The following WWOX variants were observed in gnomAD, a reference collection of about 807,000 sequenced individuals.
WWOX encodes the protein WW domain containing oxidoreductase, also known as WW domain-containing oxidoreductase.
WWOX carries 69 observed loss-of-function variants against 46.2 expected under a neutral mutation model. The ratio of observed to expected loss-of-function variants is 1.49; its 90% confidence interval spans 1.23 to 1.82. The LOEUF (loss-of-function observed/expected upper bound fraction) is 1.82. Among genes scored for constraint, WWOX ranks in the 40% most tolerant of loss-of-function variants. The pLI is 0.00. For missense variants in WWOX, 919 were observed against 542.6 expected (o/e 1.69, Z -6.89); for synonymous variants, 359 against 202.6 (o/e 1.77, Z -6.56).
intron 8 of WWOX, among the ~76,000 whole-genome samples, chr16:78,493,143 C>T (rs1275467787): frequency 6.6e-6 from 1 of 152,138 alleles, no homozygotes; most frequent in African/African-American, 2.4e-5. Context: ...GGACTTCTTC[C>T]TGGGAGAAGG....
chr16:78,852,688 G>C (rs1351023523), intron 8 of WWOX, among the ~76,000 whole-genome samples: 1 of 152,144 alleles, frequency 6.6e-6, no homozygotes, highest in African/African-American at 2.4e-5. Context: ...GGAGTAATTT[G>C]CTACACACCA....
chr16:79,073,592 C>T lies in WWOX; in HGVS notation c.1057-138016C>T, dbSNP rs1355939061. Among the ~76,000 whole-genome samples, 4 of 152,202 alleles carry T rather than the reference C, an allele frequency of 2.6e-5. No homozygotes were observed. In the East Asian group the frequency reaches 5.8e-4, roughly 22 times the overall value. On this transcript the variant is annotated intron_variant, in intron 8 of 8. Coordinates refer to ENST00000566780, the MANE Select transcript of WWOX (RefSeq NM_016373.4). ...TTTAAGATCAGTGTTGCAGACACTG[C>T]TGAGTGTCTTCAAATGTCTGTTCTC...
rs535000822 is a variant in WWOX, at chr16:78,622,295, C to A, written c.1056+189543C>A. Among the ~76,000 whole-genome samples the A allele has an allele frequency of 2.6e-5, 4 of 152,132 alleles. No individual in the cohort carries two copies. In the South Asian group the frequency reaches 6.2e-4, roughly 24 times the overall value. The stretch of plus-strand genomic sequence containing the variant: ...CAGTGGCTCATGCTTGTAATCCCAG[C>A]ACTTTGGGACGCCGAGGCAGGCAGA... On this transcript the variant is annotated intron_variant, in intron 8 of 8. Coordinates refer to ENST00000566780, the MANE Select transcript of WWOX (RefSeq NM_016373.4).
At chr16:78,329,491 A>C (rs1323651226) in intron 5 of WWOX, among the ~76,000 whole-genome samples, 1 of 152,128 alleles carries the variant, frequency 6.6e-6, no homozygotes, top group Non-Finnish European at 1.5e-5. Context: ...TTCGTGGCAA[A>C]TGTGACCTAC....
At chr16:79,189,992 T>A (rs1324844741) in intron 8 of WWOX, among the ~76,000 whole-genome samples, 2 of 152,140 alleles carry the variant, frequency 1.3e-5, no homozygotes, top group African/African-American at 4.8e-5. Context: ...TATTTTATCA[T>A]CTTCCCATGG....
chr16:79,170,985 A>G (rs1350097972), intron 8 of WWOX, among the ~76,000 whole-genome samples: 1 of 152,202 alleles, frequency 6.6e-6, no homozygotes, highest in Non-Finnish European at 1.5e-5. Flanking sequence ...TCTAAGAAAA[A>G]TGTGAGATGT....
chr16:78,492,010 C>T (rs1008728302), intron 8 of WWOX, among the ~76,000 whole-genome samples: 1 of 139,782 alleles, frequency 7.2e-6, no homozygotes, highest in Non-Finnish European at 1.6e-5. Flanking sequence ...GTGACACTTG[C>T]CATTCTCAAT....
intron 8 of WWOX, among the ~76,000 whole-genome samples, chr16:79,011,864 G>C (rs554549292): frequency 2.6e-5 from 4 of 152,084 alleles, no homozygotes; most frequent in Admixed American, 2.0e-4. Context: ...ATGTTCTTCA[G>C]GCTAGTCTTG....
intron 8 of WWOX, among the ~76,000 whole-genome samples, chr16:78,566,662 T>G (rs944869354): frequency 1.3e-5 from 2 of 152,166 alleles, no homozygotes; most frequent in Admixed American, 6.5e-5. Flanking sequence ...GAGAAGTCTC[T>G]CAGGACAGGG....
chr16:79,045,559 C>T (rs1257888996), intron 8 of WWOX, among the ~76,000 whole-genome samples: 3 of 152,090 alleles, frequency 2.0e-5, no homozygotes, highest in South Asian at 2.1e-4. Context: ...CCCAATAGAA[C>T]ACGGAGGCAG....
At chr16:78,375,566 A>T (rs555738438) in intron 5 of WWOX, among the ~76,000 whole-genome samples, 6 of 152,326 alleles carry the variant, frequency 3.9e-5, no homozygotes, top group African/African-American at 1.4e-4. Context: ...AGTGTGAATT[A>T]TTGGTTGTTT....
At chr16:79,093,825 C>G (rs554655248) in intron 8 of WWOX, among the ~76,000 whole-genome samples, 50 of 152,282 alleles carry the variant, frequency 3.3e-4, no homozygotes, top group African/African-American at 1.2e-3. Flanking sequence ...AGTGACAGGC[C>G]TGAAGTAAAA....
At chr16:78,798,886 C>T (rs1181426669) in intron 8 of WWOX, among the ~76,000 whole-genome samples, 1 of 152,136 alleles carries the variant, frequency 6.6e-6, no homozygotes, top group African/African-American at 2.4e-5. Flanking sequence ...GTCCTTTTCT[C>T]CCCAGGGGAA....
chr16:78,619,276 A>G lies in WWOX; in HGVS notation c.1056+186524A>G, dbSNP rs536380428. On this transcript the variant is annotated intron_variant, in intron 8 of 8. Coordinates refer to ENST00000566780, the MANE Select transcript of WWOX (RefSeq NM_016373.4). ...CTACTTGGGAGGCTGAGACATGAGA[A>G]TCGCTTGAACCTGGGAGTCGGAGGT... is the stretch of plus-strand genomic sequence containing the variant. Among the ~76,000 whole-genome samples, 16 of 120,406 alleles carry G rather than the reference A, an allele frequency of 1.3e-4. No homozygotes were observed. In the East Asian group the frequency reaches 4.1e-3, roughly 31 times the overall value. 79.0% of individuals were successfully genotyped at this position (120,406 alleles called of 152,430 possible).
intron 8 of WWOX, among the ~76,000 whole-genome samples, chr16:78,921,465 T>G (rs2045377519): frequency 6.6e-6 from 1 of 152,206 alleles, no homozygotes; most frequent in Admixed American, 6.5e-5. Context: ...ACAACAGCTC[T>G]TAATATCCTA....
At chr16:78,462,556 A>G (rs1327365384) in intron 8 of WWOX, among the ~76,000 whole-genome samples, 2 of 152,202 alleles carry the variant, frequency 1.3e-5, no homozygotes, top group Non-Finnish European at 2.9e-5. Flanking sequence ...AGTGTCTGCA[A>G]ATGACAGCCG....
chr16:78,903,385 C>T (rs909801637), intron 8 of WWOX, among the ~76,000 whole-genome samples: 2 of 152,244 alleles, frequency 1.3e-5, no homozygotes, highest in African/African-American at 4.8e-5. Context: ...AACGAAGACT[C>T]CGCCTCCAGT....
intron 8 of WWOX, among the ~76,000 whole-genome samples, chr16:78,460,167 C>T (rs888534813): frequency 1.4e-5 from 2 of 144,730 alleles, no homozygotes; most frequent in Admixed American, 6.9e-5. Flanking sequence ...TCGCTCTTTT[C>T]CCCAGGCTGG....
intron 8 of WWOX, chr16:79,206,300 A>C (rs2051507729): frequency 6.6e-6 from 1 of 152,252 alleles, no homozygotes; most frequent in Non-Finnish European, 1.5e-5. Context: ...ATAGATGAGG[A>C]AATGGGCCAC....
Sources: allele counts gnomAD v4.1 joint callset (sites outside exome capture counted in the v4.1 genomes callset), GRCh38; gene constraint gnomAD v4.1.1; transcripts MANE v1.5; gene names NCBI Gene and HGNC (gene_info 2026-07-23, HGNC 2026-07-21).